The following ACER3 variants were observed in gnomAD, a reference collection of about 807,000 sequenced individuals.
ACER3 encodes alkCDase 3.
ACER3 carries 16 observed loss-of-function variants against 48.9 expected under a neutral mutation model. That is an observed-to-expected ratio of 0.33 (90% confidence interval 0.22 to 0.50). The LOEUF (loss-of-function observed/expected upper bound fraction) is 0.50, where lower values mean the gene tolerates loss of function less well. Ranked by LOEUF, ACER3 falls within the 20% of genes least tolerant of loss-of-function variation. ACER3 has a pLI of 0.98. For synonymous variants in ACER3, 109 were observed against 107.8 expected, an observed-to-expected ratio of 1.01 and a Z score of -0.07; for missense variants, 227 against 326.0, an observed-to-expected ratio of 0.70 and a Z score of 2.34.
rs376357387 is a variant in ACER3, at chr11:76,932,689, C to T, written c.214+6022C>T. Among the ~76,000 whole-genome samples, 11 of 152,264 alleles carry T rather than the reference C, an allele frequency of 7.2e-5. No individual in the cohort carries two copies. The East Asian group carries it at 1.9e-3, about 27-fold the overall frequency. On this transcript the variant is annotated intron_variant, in intron 2 of 10. Coordinates refer to ENST00000532485, the MANE Select transcript of ACER3 (RefSeq NM_018367.7). ...TTAATAAGGAAAACAAATAGAACTACGTGCAACCCACACTTTCAGCCTTAC... is the reference window on the plus strand; with the variant it reads ...TTAATAAGGAAAACAAATAGAACTATGTGCAACCCACACTTTCAGCCTTAC...
At chr11:76,870,325 G>T (rs574804158) in intron 1 of ACER3, among the ~76,000 whole-genome samples, 1 of 151,676 alleles carries the variant, frequency 6.6e-6, no homozygotes, top group Non-Finnish European at 1.5e-5. Context: ...GTAGAGATGA[G>T]GTCTCACTAT....
At position 77,015,017 on chromosome 11, in the gene ACER3, G is replaced by A; in HGVS notation, c.499G>A (p.Val167Ile). The change falls in exon 8 of 11, where the codon GTT (valine) becomes ATT (isoleucine). Residue 167 changes from valine (V) to isoleucine (I), a missense_variant and splice_region_variant. By Grantham distance (29) the Val-to-Ile change is conservative (BLOSUM62 3). Transcript: ENST00000532485. ...VLRSIYIVTW[V>I]YPWLRGLGYT... ...GCTTTTCTGTTTTCCCCCCCACAGGGTTTATCCATGGCTTAGAGGACTGGG... is the reference window on the plus strand; with the variant it reads ...GCTTTTCTGTTTTCCCCCCCACAGGATTTATCCATGGCTTAGAGGACTGGG... 2.5e-6 allele frequency: 4 copies of A among 1,580,254 alleles called. No homozygotes were observed. Among genetic ancestry groups the A allele is most frequent in the Non-Finnish European group, 2.6e-6 (3 of 1,150,622 alleles).
At chr11:76,905,013 A>C (rs947247653) in intron 1 of ACER3, among the ~76,000 whole-genome samples, 2 of 152,004 alleles carry the variant, frequency 1.3e-5, no homozygotes, top group African/African-American at 4.8e-5. Flanking sequence ...CACCATGCCC[A>C]GCTAATTTTT....
At chr11:76,875,442 T>G (rs1432287903) in intron 1 of ACER3, among the ~76,000 whole-genome samples, 1 of 152,026 alleles carries the variant, frequency 6.6e-6, no homozygotes, top group African/African-American at 2.4e-5. Context: ...AAGATGAAAT[T>G]TTTATGCATA....
intron 1 of ACER3, among the ~76,000 whole-genome samples, chr11:76,901,460 T>G (rs993455102): frequency 6.6e-6 from 1 of 152,132 alleles, no homozygotes; most frequent in Non-Finnish European, 1.5e-5. Flanking sequence ...GCTTTATAGA[T>G]AAGGGCAGTC....
intron 1 of ACER3, among the ~76,000 whole-genome samples, chr11:76,917,904 T>G (rs948526368): frequency 2.6e-5 from 4 of 151,246 alleles, no homozygotes; most frequent in African/African-American, 9.7e-5. Flanking sequence ...ATAGAATGAC[T>G]CTTGTAGTAA....
rs894034789 is a variant in ACER3, at chr11:77,018,464, A to G, written c.705-1267A>G. Among the ~76,000 whole-genome samples, 16 of 152,336 alleles carry G rather than the reference A, an allele frequency of 1.1e-4. No homozygotes were observed. The East Asian group carries it at 2.9e-3, about 28-fold the overall frequency. On this transcript the variant is annotated intron_variant, in intron 9 of 10. Transcript: ENST00000532485. ...ACAGTGGCCTCTAAGTGTTCAAGTGAAAGGAAGAGTTACACATCTCTCACT... is the reference window on the plus strand; with the variant it reads ...ACAGTGGCCTCTAAGTGTTCAAGTGGAAGGAAGAGTTACACATCTCTCACT...
chr11:76,865,089 T>C (rs572100678), intron 1 of ACER3, among the ~76,000 whole-genome samples: 4 of 150,902 alleles, frequency 2.7e-5, no homozygotes, highest in African/African-American at 9.7e-5. Context: ...TCCTGCCACC[T>C]CAGTACCCCA....
At position 76,986,603 on chromosome 11, in the gene ACER3, C is replaced by T. The variant is rs1406068981; in HGVS notation, c.402+879C>T. ...CAGATATTGTAACTATGTACTTTAC[C>T]TTCATTGTCTCATTAAATCATCACC... is the stretch of plus-strand genomic sequence containing the variant. On this transcript the variant is annotated intron_variant, in intron 5 of 10. Transcript: ENST00000532485. Among the ~76,000 whole-genome samples the T allele has an allele frequency of 7.2e-5, 11 of 152,252 alleles. No homozygotes were observed. The East Asian group carries it at 1.9e-3, about 27-fold the overall frequency.
chr11:76,978,850 G>A (rs1476109148), intron 4 of ACER3, among the ~76,000 whole-genome samples: 2 of 152,240 alleles, frequency 1.3e-5, no homozygotes, highest in Admixed American at 6.5e-5. Flanking sequence ...CACAGTGGAA[G>A]ATGCTTACGG....
At chr11:76,913,629 GGTAATT>G (rs1241383767) in intron 1 of ACER3, among the ~76,000 whole-genome samples, 1 of 152,076 alleles carries the variant, frequency 6.6e-6, no homozygotes, top group East Asian at 1.9e-4. Flanking sequence ...TACTGCCCAA[GGTAATT>G]TATAGATTCA....
chr11:76,894,909 G>T (rs945007733), intron 1 of ACER3, among the ~76,000 whole-genome samples: 1 of 152,190 alleles, frequency 6.6e-6, no homozygotes, highest in African/African-American at 2.4e-5. Context: ...TTCATCTCTG[G>T]ATTGAATCAC....
At chr11:76,877,090 A>G (rs1030813694) in intron 1 of ACER3, among the ~76,000 whole-genome samples, 10 of 152,192 alleles carry the variant, frequency 6.6e-5, no homozygotes, top group African/African-American at 2.2e-4. Flanking sequence ...TTATAAGCCC[A>G]TCTGAAGATT....
chr11:77,012,321 G>A (rs1055993061), intron 7 of ACER3, among the ~76,000 whole-genome samples: 1 of 151,164 alleles, frequency 6.6e-6, no homozygotes, highest in Admixed American at 6.6e-5. Context: ...GGGAGGCTGA[G>A]GCAGGAGAAT....
intron 1 of ACER3, among the ~76,000 whole-genome samples, chr11:76,896,427 G>A (rs1465919419): frequency 1.6e-5 from 2 of 124,882 alleles, no homozygotes; most frequent in African/African-American, 1.2e-4. Flanking sequence ...GGGAAGCTAA[G>A]GCGGGCAGAT....
intron 2 of ACER3, among the ~76,000 whole-genome samples, chr11:76,952,298 C>T (rs1456260362): frequency 3.4e-5 from 5 of 147,984 alleles, no homozygotes; most frequent in Non-Finnish European, 5.9e-5. Flanking sequence ...CTCTCCCTGT[C>T]GCCTAAGCTG....
intron 2 of ACER3, among the ~76,000 whole-genome samples, chr11:76,954,897 C>T (rs989073870): frequency 6.6e-6 from 1 of 152,114 alleles, no homozygotes; most frequent in Non-Finnish European, 1.5e-5. Context: ...TCACCATACC[C>T]GGCCCCCTTT....
chr11:76,931,546 G>A (rs1163264408), intron 2 of ACER3, among the ~76,000 whole-genome samples: 1 of 152,208 alleles, frequency 6.6e-6, no homozygotes, highest in Non-Finnish European at 1.5e-5. Flanking sequence ...AGTTGATGCA[G>A]TTTCTTCCTA....
At chr11:77,016,175 G>T (rs566945800) in intron 8 of ACER3, among the ~76,000 whole-genome samples, 114 of 150,912 alleles carry the variant, frequency 7.6e-4, no homozygotes, top group African/African-American at 2.7e-3. Flanking sequence ...TATAGATTAA[G>T]AGCCTTAGAT....
Sources: allele counts gnomAD v4.1 joint callset (sites outside exome capture counted in the v4.1 genomes callset), GRCh38; gene constraint gnomAD v4.1.1; transcripts MANE v1.5; gene names NCBI Gene and HGNC (gene_info 2026-07-23, HGNC 2026-07-21).